CNTNAP2: variants seen among roughly 807,000 people sequenced by gnomAD.
CNTNAP2 encodes the protein contactin-associated protein-like 2.
In CNTNAP2, 98 loss-of-function variants were observed where a neutral mutation model predicts 155.2. The observed-to-expected ratio is 0.63, with a 90% CI of 0.54 to 0.75. CNTNAP2 has a LOEUF of 0.75. Ranked by LOEUF, CNTNAP2 falls within the 30% of genes least tolerant of loss-of-function variation. The probability of loss-of-function intolerance (pLI) is 0.00; values close to 1 mark genes in which losing one functional copy is unlikely to be tolerated. For synonymous variants in CNTNAP2, 651 were observed against 631.2 expected (o/e 1.03, Z -0.47); for missense variants, 1,727 against 1,688.1 (o/e 1.02, Z -0.40).
At chr7:146,537,906 C>A (rs180964871) in intron 1 of CNTNAP2, among the ~76,000 whole-genome samples, 15 of 152,018 alleles carry the variant, frequency 9.9e-5, no homozygotes, top group Admixed American at 9.2e-4. Flanking sequence ...CTAGGTAAGT[C>A]TTTATAAGAA....
rs569339634 is a variant in CNTNAP2, at chr7:147,519,867, A to T, written c.1777+33826A>T. 3.5e-4 allele frequency among the ~76,000 whole-genome samples: 53 copies of T among 152,344 alleles called. No homozygotes were observed. The South Asian group carries it at 0.011, about 31-fold the overall frequency. The stretch of plus-strand genomic sequence containing the variant: ...GCAACAGAGTGAGACTCCATCTCAA[A>T]CAAAAAAGAATAAATTCATAAAATC... On this transcript the variant is annotated intron_variant, in intron 11 of 23. Coordinates refer to ENST00000361727, the MANE Select transcript of CNTNAP2 (RefSeq NM_014141.6).
At chr7:146,589,902 A>C (rs911518292) in intron 1 of CNTNAP2, among the ~76,000 whole-genome samples, 1 of 152,192 alleles carries the variant, frequency 6.6e-6, no homozygotes, top group South Asian at 2.1e-4. Context: ...TCCACATAGT[A>C]TACCAGGAAG....
intron 1 of CNTNAP2, among the ~76,000 whole-genome samples, chr7:146,443,889 A>G (rs939165082): frequency 8.5e-5 from 13 of 152,306 alleles, no homozygotes; most frequent in South Asian, 2.1e-4. Flanking sequence ...GCAGAATTAC[A>G]TAAGTATAGC....
chr7:147,145,649 T>G (rs904729575), intron 8 of CNTNAP2, among the ~76,000 whole-genome samples: 7 of 152,126 alleles, frequency 4.6e-5, no homozygotes, highest in African/African-American at 1.7e-4. Context: ...CTGTAGTCCC[T>G]TTTAGGTTTG....
rs531931601 is a variant in CNTNAP2 at position 146,955,372 on chromosome 7, G to A, written c.403-88535G>A. 7.2e-5 allele frequency among the ~76,000 whole-genome samples: 11 copies of A among 152,014 alleles called. No individual in the cohort carries two copies. The South Asian group carries it at 2.3e-3, about 32-fold the overall frequency. Reference sequence around the variant, plus strand: ...CTGTTTATACTTTTCCTAGCACGAAGACCTGCTTATATGCCACACAAGTGT... The same window carrying A: ...CTGTTTATACTTTTCCTAGCACGAAAACCTGCTTATATGCCACACAAGTGT... On this transcript the variant is annotated intron_variant, in intron 3 of 23. Coordinates refer to ENST00000361727, the MANE Select transcript of CNTNAP2 (RefSeq NM_014141.6).
chr7:146,690,708 T>G (rs1800684023), intron 1 of CNTNAP2, among the ~76,000 whole-genome samples: 1 of 152,290 alleles, frequency 6.6e-6, no homozygotes, highest in South Asian at 2.1e-4. Flanking sequence ...CCTATGTTTT[T>G]ATGTATAAAT....
At chr7:148,083,636 T>A (rs1407350743) in intron 15 of CNTNAP2, among the ~76,000 whole-genome samples, 1 of 152,168 alleles carries the variant, frequency 6.6e-6, no homozygotes, top group South Asian at 2.1e-4. Context: ...TGAAATAAAA[T>A]ACTGGCATTT....
intron 1 of CNTNAP2, among the ~76,000 whole-genome samples, chr7:146,307,360 C>A (rs1427707215): frequency 6.6e-6 from 1 of 152,102 alleles, no homozygotes; most frequent in Non-Finnish European, 1.5e-5. Context: ...ACATTCCATG[C>A]TCATGGATAG....
At chr7:146,405,899 G>A (rs777087300) in intron 1 of CNTNAP2, among the ~76,000 whole-genome samples, 28 of 152,154 alleles carry the variant, frequency 1.8e-4, no homozygotes, top group Non-Finnish European at 2.6e-4. Flanking sequence ...ACCTTCTTTT[G>A]TCACGATGAC....
chr7:146,209,465 G>A (rs1799001208), intron 1 of CNTNAP2, among the ~76,000 whole-genome samples: 1 of 152,158 alleles, frequency 6.6e-6, no homozygotes, highest in African/African-American at 2.4e-5. Context: ...GCCAGTTGAG[G>A]CCTCACCCAG....
At position 147,413,025 on chromosome 7, in the gene CNTNAP2, G is replaced by A. The variant is rs74633884; in HGVS notation, c.1670+17245G>A. Among the ~76,000 whole-genome samples the A allele has an allele frequency of 6.6e-3, 1,012 of 152,304 alleles. 11 individuals carry two copies. The highest frequency in any genetic ancestry group is 0.023 in the African/African-American group (950 of 41,566). ...ATTTTGCCTGTTAGAATGGAAACTC[G>A]TGTCAACTCATTCATTCTTAAAACT... On this transcript the variant is annotated intron_variant, in intron 10 of 23. Coordinates refer to ENST00000361727, the MANE Select transcript of CNTNAP2 (RefSeq NM_014141.6).
intron 13 of CNTNAP2, among the ~76,000 whole-genome samples, chr7:147,814,758 T>C (rs997196997): frequency 6.6e-6 from 1 of 152,170 alleles, no homozygotes; most frequent in Non-Finnish European, 1.5e-5. Context: ...TGTTTCAAAT[T>C]TGAATATACA....
intron 10 of CNTNAP2, among the ~76,000 whole-genome samples, chr7:147,455,928 A>G (rs1797910603): frequency 6.6e-6 from 1 of 152,278 alleles, no homozygotes; most frequent in Non-Finnish European, 1.5e-5. Context: ...AAGCAATATC[A>G]TAATCTCCAG....
At chr7:147,165,711 C>T (rs576115150) in intron 8 of CNTNAP2, among the ~76,000 whole-genome samples, 1 of 152,242 alleles carries the variant, frequency 6.6e-6, no homozygotes, top group Admixed American at 6.5e-5. Context: ...TTATCCAGCA[C>T]CATTTGTTGA....
chr7:146,943,422 A>T (rs995871685), intron 3 of CNTNAP2, among the ~76,000 whole-genome samples: 6 of 152,064 alleles, frequency 3.9e-5, no homozygotes, highest in Non-Finnish European at 8.8e-5. Context: ...AACCTGGGAG[A>T]CAGAGGTTGC....
chr7:147,865,314 C>T (rs1031809818), intron 13 of CNTNAP2, among the ~76,000 whole-genome samples: 6 of 152,174 alleles, frequency 3.9e-5, no homozygotes, highest in African/African-American at 1.4e-4. Context: ...TGATATGCTG[C>T]TGGATTCGGT....
At chr7:147,986,968 G>A (rs1347324811) in intron 15 of CNTNAP2, among the ~76,000 whole-genome samples, 9 of 150,372 alleles carry the variant, frequency 6.0e-5, no homozygotes, top group African/African-American at 1.9e-4. Context: ...AAGCAAAAAC[G>A]CCCTGGAGTG....
chr7:147,900,087 T>C (rs953365672), intron 13 of CNTNAP2, among the ~76,000 whole-genome samples: 1 of 152,150 alleles, frequency 6.6e-6, no homozygotes, highest in Admixed American at 6.5e-5. Context: ...CCCATCTTAA[T>C]AGACTTCACT....
rs542743810 is a variant in CNTNAP2, at chr7:148,283,775, C to T, written c.3475+16649C>T. ...TGCGATCTGTCCTGTGGAGAAAATA[C>T]ATCTGTTAGATGAGCTGTCTTTAGG... is the stretch of plus-strand genomic sequence containing the variant. On this transcript the variant is annotated intron_variant, in intron 21 of 23. Coordinates refer to ENST00000361727, the MANE Select transcript of CNTNAP2 (RefSeq NM_014141.6). Among the ~76,000 whole-genome samples, 8 of 152,284 alleles carry T rather than the reference C, an allele frequency of 5.3e-5. No homozygotes were observed. The South Asian group carries it at 1.7e-3, about 32-fold the overall frequency.
Sources: gnomAD v4.1 joint callset for allele counts (sites outside exome capture counted in the v4.1 genomes callset) on GRCh38, gnomAD v4.1.1 for gene constraint, MANE v1.5 for transcripts, NCBI Gene and HGNC (gene_info 2026-07-23, HGNC 2026-07-21) for gene names.